Variants in YY1AP1 observed in about 807,000 individuals in gnomAD.
The protein encoded by YY1AP1 is YY1 associated protein 1.
YY1AP1 carries 43 observed loss-of-function variants against 39.9 expected under a neutral mutation model. The observed-to-expected ratio is 1.08, with a 90% CI of 0.84 to 1.39. YY1AP1 has a LOEUF of 1.39. YY1AP1 is among the 40% of genes most tolerant of loss of function. The pLI is 0.00. For synonymous variants in YY1AP1, 292 were observed against 331.3 expected, an observed-to-expected ratio of 0.88 and a Z score of 1.29; for missense variants, 813 against 900.7, an observed-to-expected ratio of 0.90 and a Z score of 1.25.
intron 9 of YY1AP1, among the ~76,000 whole-genome samples, chr1:155,664,743 T>C (rs1381407254): frequency 1.3e-5 from 2 of 148,524 alleles, no homozygotes; most frequent in South Asian, 2.1e-4. Context: ...CTGACATCGA[T>C]ACAATCAAAA....
Position 155,688,758 on chromosome 1 carries a change from C to CA in YY1AP1, c.-252dup, listed in dbSNP as rs1167446423. 6.6e-7 allele frequency: 1 copy of CA among 1,522,674 alleles called. No homozygotes were observed. Among genetic ancestry groups the CA allele is most frequent in the Non-Finnish European group, 8.8e-7 (1 of 1,140,262 alleles). 94.3% of individuals were successfully genotyped at this position (1,522,674 alleles called of 1,614,324 possible). On this transcript the variant is annotated 5_prime_UTR_variant, in exon 1 of 11. Transcript: ENST00000355499. ...CAACCGCCGCCAAAGCAGCCGCCGC[C>CA]AGCACCCCCACCCTACACTCCTCGC...
At chr1:155,677,456 A>G (rs1324306171) in intron 4 of YY1AP1, among the ~76,000 whole-genome samples, 1 of 152,174 alleles carries the variant, frequency 6.6e-6, no homozygotes, top group Non-Finnish European at 1.5e-5. Flanking sequence ...TTCTATGTTT[A>G]CATAGAAAGA....
At chr1:155,684,170 C>T (rs1651893610) in intron 2 of YY1AP1, among the ~76,000 whole-genome samples, 1 of 152,142 alleles carries the variant, frequency 6.6e-6, no homozygotes. Context: ...ATCACTTGAA[C>T]CTGGGAGGCA....
chr1:155,672,787 T>C, intron 6 of YY1AP1, 56 bp from the exon 7 acceptor site: 3 of 1,612,610 alleles, frequency 1.9e-6, no homozygotes, highest in South Asian at 2.2e-5. Context: ...TTAATACCAA[T>C]AGCCTTCAGA....
chr1:155,659,938 T>C lies in YY1AP1; in HGVS notation c.1972A>G (p.Lys658Glu), dbSNP rs546242780. ...GENAFQGLEP[K>E]LEPQELSPLS... ...GGAGATAGTTCCTGGGGCTCTAATT[T>C]GGGTTCTAGGCCCTGAAAGGCATTT... is the stretch of plus-strand genomic sequence containing the variant. Residue 658 changes from lysine to glutamate, a missense_variant, in exon 11 of 11, where the codon AAA becomes GAA. Lys to Glu is a moderately conservative substitution (Grantham distance 56). Transcript: ENST00000355499. 9 of 1,614,206 alleles carry C rather than the reference T, an allele frequency of 5.6e-6. No homozygotes were observed. The African/African-American group carries it at 8.0e-5, about 14-fold the overall frequency.
At chr1:155,686,167 C>G (rs985938322) in intron 2 of YY1AP1, among the ~76,000 whole-genome samples, 4 of 151,078 alleles carry the variant, frequency 2.6e-5, no homozygotes, top group African/African-American at 9.8e-5. Flanking sequence ...CCCCGAGTAG[C>G]TGGGACTACA....
rs769909303 is a variant in YY1AP1 at position 155,660,735 on chromosome 1, A to G, written c.1175T>C (p.Leu392Pro). 1.9e-6 allele frequency: 3 copies of G among 1,614,188 alleles called. No individual in the cohort carries two copies. Among genetic ancestry groups the G allele is most frequent in the Admixed American group, 1.7e-5 (1 of 60,020 alleles). Reference protein sequence around the residue: ...LLLPKGVVLKLKPVADRFPKK... With the variant: ...LLLPKGVVLKPKPVADRFPKK... ...GGGGAAACGGTCGGCAACTGGCTTC[A>G]GTTTCAGGACTACACCCTTAGGCAA... is the stretch of plus-strand genomic sequence containing the variant. Residue 392 changes from leucine to proline, a missense_variant, in exon 11 of 11, where the codon CTG becomes CCG. This residue lies in a region of YY1AP1 where 586 missense variants were observed against 647.4 expected (regional missense o/e 0.91). Coordinates refer to ENST00000355499, the MANE Select transcript of YY1AP1 (RefSeq NM_139119.3).
intron 8 of YY1AP1, among the ~76,000 whole-genome samples, chr1:155,669,065 GCT>G (rs1455881565): frequency 1.3e-5 from 2 of 152,010 alleles, no homozygotes; most frequent in African/African-American, 4.8e-5. Flanking sequence ...ACAGGGTTTT[GCT>G]CTGTTGTCCA....
At position 155,675,136 on chromosome 1, in the gene YY1AP1, C is replaced by T. The variant is rs762252985; in HGVS notation, c.325-40G>A. 3.8e-6 allele frequency: 6 copies of T among 1,575,866 alleles called. No homozygotes were observed. The South Asian group carries it at 5.5e-5, about 15-fold the overall frequency. On this transcript the variant is annotated intron_variant, in intron 5 of 10. Coordinates refer to ENST00000355499, the MANE Select transcript of YY1AP1 (RefSeq NM_139119.3). ...AAAATAATGCAGTGATATGTTATGA[C>T]ACTGCCATTTCAGGAGCCCAGAGAT...
intron 9 of YY1AP1, among the ~76,000 whole-genome samples, chr1:155,664,953 G>A (rs1558301573): frequency 6.6e-6 from 1 of 151,694 alleles, no homozygotes; most frequent in Admixed American, 6.6e-5. Context: ...TGTACTTTTA[G>A]TAGAGACGGG....
At chr1:155,676,401 C>G (rs1233453809) in intron 5 of YY1AP1, 147 bp downstream of exon 5, 1 of 931,364 alleles carries the variant, frequency 1.1e-6, no homozygotes, top group Non-Finnish European at 1.6e-6. Context: ...TCTCAAGCTC[C>G]TAACTGATGT....
rs1650726108 is a variant in YY1AP1 at position 155,676,587 on chromosome 1, G to C, written c.285C>G (p.Asp95Glu). Residue 95 changes from aspartate (D) to glutamate (E), a missense_variant, in exon 5 of 11, where the codon GAC becomes GAG. By Grantham distance (45) the Asp-to-Glu change is conservative. Transcript: ENST00000355499. ...GCTGGAGTCTCTTCCTTTGTGCTGG[G>C]TCCAGAATCAGGGTCTGATGAACTT... ...CKEVHQTLIL[D>E]PAQRKRLQQQ... 1 of 1,614,016 alleles carries C rather than the reference G, an allele frequency of 6.2e-7. No homozygotes were observed. Among genetic ancestry groups the C allele is most frequent in the African/African-American group, 1.3e-5 (1 of 74,892 alleles).
chr1:155,685,347 C>T (rs1356069449), intron 2 of YY1AP1, among the ~76,000 whole-genome samples: 1 of 152,194 alleles, frequency 6.6e-6, no homozygotes, highest in Admixed American at 6.6e-5. Flanking sequence ...AAATTAGCGT[C>T]TCTTCAAGCA....
intron 4 of YY1AP1, among the ~76,000 whole-genome samples, chr1:155,678,804 T>G (rs925472775): frequency 6.6e-6 from 1 of 152,222 alleles, no homozygotes; most frequent in Non-Finnish European, 1.5e-5. Context: ...TGGCACAAAC[T>G]GCATCCTGAC....
At chr1:155,669,484 T>C (rs1195608576) in intron 8 of YY1AP1, among the ~76,000 whole-genome samples, 1 of 152,186 alleles carries the variant, frequency 6.6e-6, no homozygotes, top group Admixed American at 6.5e-5. Flanking sequence ...CAAGAGAAAC[T>C]AGTCATAAAT....
chr1:155,672,532 A>G (rs1650017291), intron 7 of YY1AP1, 28 bp downstream of exon 7: 1 of 1,605,850 alleles, frequency 6.2e-7, no homozygotes, highest in African/African-American at 1.3e-5. Flanking sequence ...GCAAGTAAAA[A>G]CTTAAAGCTG....
intron 1 of YY1AP1, 104 bp downstream of exon 1, chr1:155,688,555 G>C: frequency 1.9e-6 from 3 of 1,538,772 alleles, no homozygotes; most frequent in African/African-American, 1.4e-5. Flanking sequence ...CGTCCTGCGA[G>C]CCAGCCATCC....
In YY1AP1 at chr1:155,670,319, C is replaced by A. The variant is rs1649662690; in HGVS notation, c.728+1G>T. 15 of 1,612,102 alleles carry A rather than the reference C, an allele frequency of 9.3e-6. No homozygotes were observed. The highest frequency in any genetic ancestry group is 1.3e-5 in the Non-Finnish European group (15 of 1,179,850). On this transcript the variant is annotated splice_donor_variant, in intron 8 of 10. Transcript: ENST00000355499. LOFTEE classifies it high-confidence loss of function. ...TTTGATCCCCCAGAGTAAACACTTA[C>A]TTGTCCTCAGCCTTGGTGAAGAGGA...
chr1:155,670,728 T>C (rs555357247), intron 7 of YY1AP1: 45 of 360,546 alleles, frequency 1.2e-4, no homozygotes, highest in Non-Finnish European at 2.0e-4. Context: ...CAGACTGGAG[T>C]GCGTGGCGCA....
Sources: allele counts gnomAD v4.1 joint callset (sites outside exome capture counted in the v4.1 genomes callset), GRCh38; gene constraint gnomAD v4.1.1; regional missense constraint gnomAD v4.1.1; transcripts MANE v1.5; gene names NCBI Gene and HGNC (gene_info 2026-07-23, HGNC 2026-07-21).